The following SPATA6L variants were observed in gnomAD, a reference collection of about 807,000 sequenced individuals.
SPATA6L encodes spermatogenesis associated 6 like, also known as spermatogenesis associated 6-like protein.
In SPATA6L, 68 loss-of-function variants were observed where a neutral mutation model predicts 49.2. The observed-to-expected ratio is 1.38, with a 90% CI of 1.14 to 1.69. The LOEUF is 1.69. Among genes scored for constraint, SPATA6L ranks in the 40% most tolerant of loss-of-function variants. The probability of loss-of-function intolerance (pLI) is 0.00; values close to 1 mark genes in which losing one functional copy is unlikely to be tolerated. For synonymous variants in SPATA6L, 198 were observed against 165.7 expected (o/e 1.19, Z -1.50); for missense variants, 668 against 464.3 (o/e 1.44, Z -4.03).
Position 4,600,493 on chromosome 9 carries a change from C to CAGAGAGAG in SPATA6L, c.*310_*317dup, listed in dbSNP as rs912130041. 3.4e-3 allele frequency: 459 copies of CAGAGAGAG among 133,792 alleles called. 7 individuals are homozygous for CAGAGAGAG. The highest frequency in any genetic ancestry group is 0.011 in the African/African-American group (398 of 37,832). 8.3% of individuals were successfully genotyped at this position (133,792 alleles called of 1,614,324 possible). A position where few individuals can be genotyped will look rare whatever the true frequency, so the allele number is the denominator to read the frequency against. ...AGAGACAGAGAGAGCCAGAGAGAGC[C>CAGAGAGAG]AGAGAGAGAGAGAGGGGAAGTGTTC... On this transcript the variant is annotated 3_prime_UTR_variant, in exon 12 of 12. Transcript: ENST00000682582.
intron 4 of SPATA6L, chr9:4,633,818 T>C (rs1403535137): frequency 1.3e-5 from 2 of 152,128 alleles, no homozygotes; most frequent in Admixed American, 6.5e-5. Context: ...CCAAAAACCA[T>C]TGCTATGGGA....
chr9:4,656,836 T>C (rs746453337), intron 2 of SPATA6L, among the ~76,000 whole-genome samples: 3 of 152,190 alleles, frequency 2.0e-5, no homozygotes, highest in African/African-American at 4.8e-5. Flanking sequence ...GTTAACTGAA[T>C]GAATGGTTTC....
chr9:4,593,260 G>A lies in SPATA6L; in HGVS notation c.*254+3175C>T, dbSNP rs1032852051. 4.6e-5 allele frequency among the ~76,000 whole-genome samples: 7 copies of A among 152,102 alleles called. 1 individual carries two copies. The highest frequency in any genetic ancestry group is 1.4e-4 in the African/African-American group (6 of 41,404). Reference sequence around the variant, plus strand: ...GCTTTCTAATCATGACATTTTATTTGATACAACCAAATTTGCTCCTTCAAA... The same window carrying A: ...GCTTTCTAATCATGACATTTTATTTAATACAACCAAATTTGCTCCTTCAAA... On this transcript the variant is annotated intron_variant and NMD_transcript_variant, in intron 13 of 13. Coordinates refer to the SPATA6L transcript ENST00000461761.
chr9:4,635,290 C>T lies in SPATA6L; in HGVS notation c.336G>A (p.Thr112=), dbSNP rs376833406. The T allele has an allele frequency of 3.5e-5, 54 of 1,529,746 alleles. No homozygotes were observed. The highest frequency in any genetic ancestry group is 1.7e-4 in the Middle Eastern group (1 of 5,826). The allele number at this position is 1,529,746 out of a possible 1,614,324, so 94.8% of individuals were successfully genotyped here. The part of the protein sequence containing the change: ...PRRCREVLMK[T]ALGFPGIAPK... ...AATCACTTACTGGAAAACCCAGAGCCGTCTTCATGAGCACCTCCCTACACC... is the reference window on the plus strand; with the variant it reads ...AATCACTTACTGGAAAACCCAGAGCTGTCTTCATGAGCACCTCCCTACACC... The change falls in exon 4 of 12, where the codon ACG becomes ACA. Residue 112 remains threonine (T), a synonymous_variant. Transcript: ENST00000682582.
chr9:4,652,987 A>T (rs1837276135), intron 3 of SPATA6L, among the ~76,000 whole-genome samples: 1 of 152,204 alleles, frequency 6.6e-6, no homozygotes, highest in Non-Finnish European at 1.5e-5. Context: ...TCAATATCCT[A>T]GCTGGCTTCT....
intron 3 of SPATA6L, among the ~76,000 whole-genome samples, chr9:4,652,597 C>T (rs1211742351): frequency 2.0e-5 from 3 of 151,872 alleles, no homozygotes; most frequent in African/African-American, 4.8e-5. Context: ...TACCTGTAAT[C>T]CCAGCATTTT....
intron 3 of SPATA6L, among the ~76,000 whole-genome samples, chr9:4,644,344 A>C (rs1049019539): frequency 1.3e-5 from 2 of 151,640 alleles, no homozygotes; most frequent in Non-Finnish European, 1.5e-5. Flanking sequence ...TCTTGTCTCA[A>C]AAAATATATA....
chr9:4,610,582 C>G (rs1047103902), intron 9 of SPATA6L, among the ~76,000 whole-genome samples: 4 of 150,400 alleles, frequency 2.7e-5, no homozygotes, highest in African/African-American at 9.8e-5. Context: ...GCTGGGAAAA[C>G]TGGCTAGCCA....
Position 4,662,634 on chromosome 9 carries a change from C to T in SPATA6L, c.40-598G>A. On this transcript the variant is annotated intron_variant, in intron 1 of 11. Coordinates refer to ENST00000682582, the MANE Select transcript of SPATA6L (RefSeq NM_001353486.2). The surrounding 1 kb of genome is among the most constrained non-coding windows in gnomAD (Gnocchi z 4.9). ...CTCGCAGTCGCCCGCGCCTCCGCTGCCCGAGGAGGACCGCATGGACTTGAA... is the reference window on the plus strand; with the variant it reads ...CTCGCAGTCGCCCGCGCCTCCGCTGTCCGAGGAGGACCGCATGGACTTGAA... 1 of 1,598,262 alleles carries T rather than the reference C, an allele frequency of 6.3e-7. No homozygotes were observed. Among genetic ancestry groups the T allele is most frequent in the Non-Finnish European group, 8.5e-7 (1 of 1,179,378 alleles).
At chr9:4,610,868 A>G (rs951416421) in intron 9 of SPATA6L, among the ~76,000 whole-genome samples, 63 of 151,832 alleles carry the variant, frequency 4.1e-4, no homozygotes, top group African/African-American at 1.5e-3. Flanking sequence ...GCAACCTACA[A>G]AATGGGAGAA....
At chr9:4,639,010 G>C (rs192931620) in intron 3 of SPATA6L, among the ~76,000 whole-genome samples, 5 of 152,166 alleles carry the variant, frequency 3.3e-5, no homozygotes, top group Admixed American at 3.3e-4. Context: ...TATGTGATCT[G>C]GGGCAAATCA....
downstream of SPATA6L, among the ~76,000 whole-genome samples, chr9:4,596,726 T>G (rs1365200562): frequency 2.0e-5 from 3 of 152,190 alleles, no homozygotes; most frequent in South Asian, 6.2e-4. Flanking sequence ...TTCTGAAATG[T>G]TCTGAGTTCA....
At chr9:4,630,150 G>A (rs1273041426) in intron 4 of SPATA6L, among the ~76,000 whole-genome samples, 10 of 151,998 alleles carry the variant, frequency 6.6e-5, no homozygotes, top group Non-Finnish European at 7.4e-5. Context: ...TGAGGGTGAG[G>A]AAGTGCCTAT....
intron 7 of SPATA6L, among the ~76,000 whole-genome samples, chr9:4,619,344 A>G (rs28635988): frequency 0.015 from 2,300 of 151,448 alleles, 58 homozygotes; most frequent in African/African-American, 0.051. Context: ...TTTTAGTAGA[A>G]ATGGGGTTTC....
At chr9:4,611,809 A>T (rs999157014) in intron 9 of SPATA6L, among the ~76,000 whole-genome samples, 1 of 152,162 alleles carries the variant, frequency 6.6e-6, no homozygotes. Flanking sequence ...AATAAAAGAA[A>T]AAAAAATTTT....
At chr9:4,650,951 C>T (rs758775350) in intron 3 of SPATA6L, among the ~76,000 whole-genome samples, 6 of 152,000 alleles carry the variant, frequency 3.9e-5, no homozygotes, top group East Asian at 1.9e-4. Context: ...ATCTGCTCGC[C>T]TTGGCCTCCC....
chr9:4,598,377 C>T lies in SPATA6L; in HGVS notation c.*2434G>A, dbSNP rs1338103690. On this transcript the variant is annotated 3_prime_UTR_variant, in exon 12 of 12. Coordinates refer to ENST00000682582, the MANE Select transcript of SPATA6L (RefSeq NM_001353486.2). ...AAGTAATCCAAACCCCAAAACATCACAAAATTATTCATACTATTATACACT... is the reference window on the plus strand; with the variant it reads ...AAGTAATCCAAACCCCAAAACATCATAAAATTATTCATACTATTATACACT... Among the ~76,000 whole-genome samples the T allele has an allele frequency of 3.9e-5, 6 of 152,192 alleles. No individual in the cohort carries two copies. The highest frequency in any genetic ancestry group is 2.1e-4 in the South Asian group (1 of 4,832).
At chr9:4,612,259 C>G (rs1826941039) in intron 9 of SPATA6L, among the ~76,000 whole-genome samples, 3 of 152,138 alleles carry the variant, frequency 2.0e-5, no homozygotes, top group African/African-American at 7.2e-5. Flanking sequence ...CAGGTGTGAG[C>G]CACTACACCC....
At chr9:4,605,997 G>C (rs565262633) in intron 9 of SPATA6L, among the ~76,000 whole-genome samples, 26 of 152,204 alleles carry the variant, frequency 1.7e-4, no homozygotes, top group African/African-American at 5.1e-4. Context: ...TGCCTCACTC[G>C]GGAAGCGCAA....
Sources: gnomAD v4.1 joint callset for allele counts (sites outside exome capture counted in the v4.1 genomes callset) on GRCh38, gnomAD v4.1.1 for gene constraint, Gnocchi (gnomAD v3.1) non-coding constraint, MANE v1.5 for transcripts, NCBI Gene and HGNC (gene_info 2026-07-23, HGNC 2026-07-21) for gene names.